The following ARMH4 variants were observed in gnomAD, a reference collection of about 807,000 sequenced individuals.
ARMH4 encodes armadillo-like helical domain-containing protein 4.
Under a neutral mutation model 61.9 loss-of-function variants are expected in ARMH4, and 49 were observed. The observed-to-expected ratio is 0.79, with a 90% confidence interval of 0.63 to 1.00. The LOEUF (loss-of-function observed/expected upper bound fraction) is 1.00, where lower values mean the gene tolerates loss of function less well. Among genes scored for constraint, ARMH4 ranks in the 50% least tolerant of loss-of-function variants. The pLI, the probability that ARMH4 is intolerant of heterozygous loss-of-function variation, is 0.00. For synonymous variants in ARMH4, 368 were observed against 341.5 expected (o/e 1.08, Z -0.85); for missense variants, 934 against 930.0 (o/e 1.00, Z -0.06).
At chr14:58,124,550 C>T (rs749379422) in intron 4 of ARMH4, among the ~76,000 whole-genome samples, 1 of 152,148 alleles carries the variant, frequency 6.6e-6, no homozygotes, top group Non-Finnish European at 1.5e-5. Context: ...GTCAGACAAC[C>T]GTTTACTTAA....
chr14:58,152,113 G>T lies in ARMH4; in HGVS notation c.-95C>A. On this transcript the variant is annotated 5_prime_UTR_variant, in exon 1 of 8. Coordinates refer to ENST00000267485, the MANE Select transcript of ARMH4 (RefSeq NM_001001872.4). Reference sequence around the variant, plus strand: ...GCTGAGCAGCGCGCGGAGGACAGAGGCAGCGGCGGCGCGGGCGCTCGGCAT... The same window carrying T: ...GCTGAGCAGCGCGCGGAGGACAGAGTCAGCGGCGGCGCGGGCGCTCGGCAT... 6.3e-6 allele frequency: 1 copy of T among 159,316 alleles called. No homozygotes were observed. The highest frequency in any genetic ancestry group is 3.2e-3 in the Middle Eastern group (1 of 308). 9.9% of individuals were successfully genotyped at this position (159,316 alleles called of 1,614,324 possible).
chr14:58,137,927 T>TA (rs901977663), intron 2 of ARMH4, 63 bp downstream of exon 2: 27,065 of 1,133,816 alleles, frequency 0.024, no homozygotes, highest in Non-Finnish European at 0.026. Flanking sequence ...AAATTGCCAT[T>TA]AAAAAAAAAA....
chr14:58,110,936 G>A (rs1008016619), intron 4 of ARMH4, among the ~76,000 whole-genome samples: 2 of 151,554 alleles, frequency 1.3e-5, no homozygotes, highest in African/African-American at 4.9e-5. Flanking sequence ...TAATTTTTAG[G>A]AGAGACGGGG....
intron 5 of ARMH4, among the ~76,000 whole-genome samples, chr14:58,068,877 C>T (rs540995069): frequency 6.6e-6 from 1 of 151,738 alleles, no homozygotes; most frequent in African/African-American, 2.4e-5. Flanking sequence ...CATGGTGGTG[C>T]GCACCTGTAA....
intron 5 of ARMH4, among the ~76,000 whole-genome samples, chr14:58,081,665 T>C (rs565401548): frequency 9.2e-5 from 14 of 151,704 alleles, no homozygotes; most frequent in African/African-American, 3.1e-4. Flanking sequence ...CACGCCTGGC[T>C]AATTTTTTTG....
At chr14:58,102,445 AAGTT>A (rs1334940528) in intron 4 of ARMH4, among the ~76,000 whole-genome samples, 1 of 152,122 alleles carries the variant, frequency 6.6e-6, no homozygotes, top group Non-Finnish European at 1.5e-5. Context: ...AGGTACAAGT[AAGTT>A]AAAGATCTTG....
chr14:58,108,175 G>A (rs922862613), intron 4 of ARMH4, among the ~76,000 whole-genome samples: 1 of 152,104 alleles, frequency 6.6e-6, no homozygotes. Flanking sequence ...AAGGTTCTAA[G>A]GGATACCAGA....
intron 5 of ARMH4, among the ~76,000 whole-genome samples, chr14:58,076,328 C>T (rs980962928): frequency 2.0e-5 from 3 of 152,154 alleles, no homozygotes; most frequent in African/African-American, 7.2e-5. Flanking sequence ...AAGTCATTAT[C>T]CTGCTTTTCC....
At chr14:58,054,835 C>T (rs569842463) in intron 5 of ARMH4, among the ~76,000 whole-genome samples, 46 of 150,312 alleles carry the variant, frequency 3.1e-4, no homozygotes, top group African/African-American at 1.1e-3. Context: ...CAAGATCGTG[C>T]CACTCCAGTG....
rs1319565402 is a variant in ARMH4 at position 58,002,940 on chromosome 14, G to A, written c.*1796C>T. ...GCAAAAAGAGTTAAAATTATTTGAT[G>A]AAAATGTTCTTGTGAGCCAGACATT... On this transcript the variant is annotated 3_prime_UTR_variant, in exon 8 of 8. Transcript: ENST00000267485. 1.3e-5 allele frequency: 2 copies of A among 152,174 alleles called. No individual in the cohort carries two copies. The highest frequency in any genetic ancestry group is 2.9e-5 in the Non-Finnish European group (2 of 68,042). 9.4% of individuals were successfully genotyped at this position (152,174 alleles called of 1,614,324 possible).
At chr14:58,079,989 G>A (rs903323425) in intron 5 of ARMH4, among the ~76,000 whole-genome samples, 6 of 152,124 alleles carry the variant, frequency 3.9e-5, no homozygotes, top group Non-Finnish European at 7.4e-5. Context: ...ATTTGACACA[G>A]CACTTAAGAG....
Position 58,139,113 on chromosome 14 carries a change from C to A in ARMH4, c.246G>T (p.Ser82=), listed in dbSNP as rs1287801974. 2 of 1,614,156 alleles carry A rather than the reference C, an allele frequency of 1.2e-6. No individual in the cohort carries two copies. The highest frequency in any genetic ancestry group is 2.2e-5 in the South Asian group (2 of 91,068). The change falls in exon 2 of 8, where the codon TCG becomes TCT. Residue 82 remains serine (S), a synonymous_variant. Transcript: ENST00000267485. ...EDPMMMSAVP[S]ATSLNKAFSI... is the part of the protein sequence containing the mutation. Reference sequence around the variant, plus strand: ...AGAATGCTTTATTTAATGATGTTGCCGATGGTACTGCTGACATCATCATTG... The same window carrying A: ...AGAATGCTTTATTTAATGATGTTGCAGATGGTACTGCTGACATCATCATTG...
intron 5 of ARMH4, among the ~76,000 whole-genome samples, chr14:58,093,020 A>T (rs1007652448): frequency 6.6e-6 from 1 of 152,036 alleles, no homozygotes; most frequent in South Asian, 2.1e-4. Flanking sequence ...TTATGGGGGC[A>T]GTTTCCCCAT....
At chr14:58,137,302 T>C (rs1415562005) in intron 2 of ARMH4, among the ~76,000 whole-genome samples, 6 of 152,206 alleles carry the variant, frequency 3.9e-5, no homozygotes, top group Admixed American at 6.5e-5. Context: ...CAAACATTGC[T>C]AAATGTCCCC....
intron 5 of ARMH4, among the ~76,000 whole-genome samples, chr14:58,080,377 C>T (rs1172235303): frequency 6.6e-6 from 1 of 152,166 alleles, no homozygotes; most frequent in Non-Finnish European, 1.5e-5. Context: ...GATCCACCCA[C>T]CTCGGCCTCC....
intron 5 of ARMH4, among the ~76,000 whole-genome samples, chr14:58,021,249 G>C (rs560002891): frequency 6.6e-6 from 1 of 152,158 alleles, no homozygotes; most frequent in East Asian, 1.9e-4. Context: ...CATGGCTTGG[G>C]AGGGACATGG....
chr14:58,049,783 A>C lies in ARMH4; in HGVS notation c.2090-37633T>G, dbSNP rs112472998. On this transcript the variant is annotated intron_variant, in intron 5 of 7. Transcript: ENST00000267485. ...TACTGCTACTGAAACTCAGGGAGAG[A>C]ACTCACTTCACTCCCTGGACTGTTA... 6.9e-3 allele frequency among the ~76,000 whole-genome samples: 1,055 copies of C among 152,310 alleles called. 17 individuals carry two copies. The highest frequency in any genetic ancestry group is 0.024 in the African/African-American group (982 of 41,562).
At chr14:58,010,068 G>A (rs1337647404) in intron 6 of ARMH4, among the ~76,000 whole-genome samples, 2 of 152,274 alleles carry the variant, frequency 1.3e-5, no homozygotes, top group African/African-American at 2.4e-5. Flanking sequence ...GTCCTGGCTT[G>A]CCTGAAGAGC....
chr14:58,063,115 G>T (rs12323810), intron 5 of ARMH4, among the ~76,000 whole-genome samples: 2 of 151,998 alleles, frequency 1.3e-5, no homozygotes, highest in South Asian at 2.1e-4. Context: ...TCCTGGCTCT[G>T]GCAGCTCCAG....
Sources: gnomAD v4.1 joint callset for allele counts (sites outside exome capture counted in the v4.1 genomes callset) on GRCh38, gnomAD v4.1.1 for gene constraint, MANE v1.5 for transcripts, NCBI Gene and HGNC (gene_info 2026-07-23, HGNC 2026-07-21) for gene names.